The following GAS7 variants were observed in gnomAD, a reference collection of about 807,000 sequenced individuals.
The protein encoded by GAS7 is growth arrest specific 7.
GAS7 carries 28 observed loss-of-function variants against 71.1 expected under a neutral mutation model. The ratio of observed to expected loss-of-function variants is 0.39; its 90% CI spans 0.29 to 0.54. The LOEUF (loss-of-function observed/expected upper bound fraction) is 0.54. Ranked by LOEUF, GAS7 falls within the 20% of genes least tolerant of loss-of-function variation. The pLI, the probability that GAS7 is intolerant of heterozygous loss-of-function variation, is 0.62. For synonymous variants in GAS7, 258 were observed against 245.8 expected, an observed-to-expected ratio of 1.05 and a Z score of -0.46; for missense variants, 436 against 627.8, an observed-to-expected ratio of 0.69 and a Z score of 3.27.
chr17:10,013,384 A>G (rs1040891907), intron 2 of GAS7, among the ~76,000 whole-genome samples: 3 of 152,216 alleles, frequency 2.0e-5, no homozygotes, highest in Non-Finnish European at 4.4e-5. Flanking sequence ...GGGGTAGGCT[A>G]TTGATAATAG....
In GAS7 at chr17:10,077,775, T is replaced by C. The variant is rs184285259; in HGVS notation, c.184-57878A>G. On this transcript the variant is annotated intron_variant, in intron 1 of 13. Transcript: ENST00000432992. ...ATTAAGATCAGACCAATTTCCTTTTTCAGGAAGCTACTGCAGGGTGTGATC... is the reference window on the plus strand; with the variant it reads ...ATTAAGATCAGACCAATTTCCTTTTCCAGGAAGCTACTGCAGGGTGTGATC... 1.8e-3 allele frequency among the ~76,000 whole-genome samples: 279 copies of C among 152,278 alleles called. 1 individual carries two copies. The highest frequency in any genetic ancestry group is 6.4e-3 in the African/African-American group (267 of 41,536).
rs1025666126 is a variant in GAS7, at chr17:9,914,515, C to T, written c.*2713G>A. On this transcript the variant is annotated 3_prime_UTR_variant, in exon 14 of 14. Transcript: ENST00000432992. ...AGCTGGGATTACAGGCGTGAGCCAC[C>T]GTGCCCGACCCTTATTTGTAAAGAG... 7 of 185,320 alleles carry T rather than the reference C, an allele frequency of 3.8e-5. No individual in the cohort carries two copies. In the East Asian group the frequency reaches 5.2e-4, roughly 14 times the overall value. 11.5% of individuals were successfully genotyped at this position (185,320 alleles called of 1,614,324 possible).
chr17:10,021,987 A>G (rs1212535315), intron 1 of GAS7, among the ~76,000 whole-genome samples: 1 of 152,094 alleles, frequency 6.6e-6, no homozygotes, highest in Non-Finnish European at 1.5e-5. Context: ...GCCAGGTGCA[A>G]TGTCTCACGC....
At chr17:10,160,139 C>T (rs557433335) in intron 1 of GAS7, among the ~76,000 whole-genome samples, 5 of 152,260 alleles carry the variant, frequency 3.3e-5, no homozygotes, top group Non-Finnish European at 5.9e-5. Flanking sequence ...CTCCTGAGCT[C>T]AAGCGATCCA....
At chr17:10,031,916 T>C (rs1289548094) in intron 1 of GAS7, among the ~76,000 whole-genome samples, 1 of 152,176 alleles carries the variant, frequency 6.6e-6, no homozygotes, top group Non-Finnish European at 1.5e-5. Flanking sequence ...GTCACTCTTT[T>C]GGCCTCTGAT....
At chr17:10,119,227 G>A (rs2073886672) in intron 1 of GAS7, among the ~76,000 whole-genome samples, 1 of 152,226 alleles carries the variant, frequency 6.6e-6, no homozygotes. Context: ...AAGGGAATCA[G>A]GAGTTCAGGG....
At chr17:10,012,488 A>G (rs2071814340) in intron 2 of GAS7, among the ~76,000 whole-genome samples, 1 of 151,440 alleles carries the variant, frequency 6.6e-6, no homozygotes, top group South Asian at 2.1e-4. Context: ...GGGTTTCACC[A>G]TGGTCCCCAG....
At position 9,974,283 on chromosome 17, in the gene GAS7, G is replaced by A. The variant is rs974344129; in HGVS notation, c.386-4521C>T. On this transcript the variant is annotated intron_variant, in intron 3 of 13. Transcript: ENST00000432992. This position sits in a 1 kb window ranked among gnomAD's most constrained non-coding sequence, Gnocchi z 4.0. ...AGTCTCCCGGGCACATTCAGAATAC[G>A]TCTCAGTGGAGATCTAGACAGTTAT... 2.6e-5 allele frequency among the ~76,000 whole-genome samples: 4 copies of A among 152,242 alleles called. No homozygotes were observed. Among genetic ancestry groups the A allele is most frequent in the Admixed American group, 1.3e-4 (2 of 15,294 alleles).
chr17:10,001,818 A>G (rs1200626026), intron 2 of GAS7, among the ~76,000 whole-genome samples: 1 of 152,146 alleles, frequency 6.6e-6, no homozygotes, highest in Non-Finnish European at 1.5e-5. Flanking sequence ...AAAAACAAAA[A>G]CACATAATTT....
rs768535366 is a variant in GAS7 at position 9,940,206 on chromosome 17, AAG to A, written c.732-8_732-7del. On this transcript the variant is annotated splice_polypyrimidine_tract_variant and splice_region_variant and intron_variant, in intron 7 of 13. Transcript: ENST00000432992. ...AGTCTTCTTCAATCTTTATCCTGCAAAGAGAGAAAACCCAACACACATCAGCT... is the reference window on the plus strand; with the variant it reads ...AGTCTTCTTCAATCTTTATCCTGCAAAGAGAAAACCCAACACACATCAGCT... The A allele has an allele frequency of 6.2e-7, 1 of 1,610,950 alleles. No individual in the cohort carries two copies. Among genetic ancestry groups the A allele is most frequent in the Non-Finnish European group, 8.5e-7 (1 of 1,177,146 alleles).
At chr17:9,946,643 G>A (rs1038258703) in intron 6 of GAS7, among the ~76,000 whole-genome samples, 8 of 152,154 alleles carry the variant, frequency 5.3e-5, no homozygotes, top group Non-Finnish European at 1.0e-4. Context: ...ATGGCCCCCC[G>A]CTTACCTACA....
At chr17:10,108,944 G>C (rs1217873019) in intron 1 of GAS7, among the ~76,000 whole-genome samples, 1 of 151,974 alleles carries the variant, frequency 6.6e-6, no homozygotes, top group Non-Finnish European at 1.5e-5. Flanking sequence ...CAAAAGCACA[G>C]ACAACAAAAC....
Position 10,034,129 on chromosome 17 carries a change from T to C in GAS7, c.184-14232A>G, listed in dbSNP as rs1396536263. The stretch of plus-strand genomic sequence containing the variant: ...GACCTACCACTGCTCTGTGCCACCG[T>C]GCGAAGAACACAGGATGGGAATCGG... On this transcript the variant is annotated intron_variant, in intron 1 of 13. Coordinates refer to ENST00000432992, the MANE Select transcript of GAS7 (RefSeq NM_201433.2). The surrounding 1 kb of genome is among the most constrained non-coding windows in gnomAD (Gnocchi z 4.4). The C allele has an allele frequency of 2.0e-6, 2 of 985,226 alleles. No individual in the cohort carries two copies. The highest frequency in any genetic ancestry group is 2.4e-6 in the Non-Finnish European group (2 of 829,782). 61.0% of individuals were successfully genotyped at this position (985,226 alleles called of 1,614,324 possible).
In GAS7 at chr17:9,919,691, G is replaced by A. The variant is rs774783663; in HGVS notation, c.1153C>T (p.Arg385Cys). The A allele has an allele frequency of 8.7e-6, 14 of 1,612,842 alleles. No homozygotes were observed. The highest frequency in any genetic ancestry group is 2.2e-5 in the East Asian group (1 of 44,876). ...GCCTGGTTGTAGAGATCCACACAGC[G>A]CATGAGGTCGTCTCCTGGAAAAAGA... ...KSTQAGDDLM[R>C]CVDLYNQAQS... is the part of the protein sequence containing the mutation. The change falls in exon 12 of 14, where the codon CGC (arginine) becomes TGC (cysteine). Residue 385 changes from arginine to cysteine, a missense_variant. By Grantham distance (180) the Arg-to-Cys change is radical. Transcript: ENST00000432992. The surrounding 1 kb of genome is among the most constrained non-coding windows in gnomAD (Gnocchi z 5.0).
At chr17:9,936,719 A>G (rs2038565986) in intron 8 of GAS7, among the ~76,000 whole-genome samples, 1 of 152,224 alleles carries the variant, frequency 6.6e-6, no homozygotes, top group Admixed American at 6.5e-5. Context: ...GAAAAACAAA[A>G]CAAAACCTGA....
intron 1 of GAS7, among the ~76,000 whole-genome samples, chr17:10,090,662 G>A (rs1597785918): frequency 6.6e-6 from 1 of 152,174 alleles, no homozygotes; most frequent in African/African-American, 2.4e-5. Flanking sequence ...AAAAACACCT[G>A]CTTTCCCTCA....
intron 1 of GAS7, among the ~76,000 whole-genome samples, chr17:10,177,117 T>A (rs141708458): frequency 2.0e-3 from 307 of 152,158 alleles, no homozygotes; most frequent in Non-Finnish European, 3.5e-3. Flanking sequence ...GTTGGTGCCA[T>A]CCCAGCAGGA....
At position 9,914,966 on chromosome 17, in the gene GAS7, C is replaced by T. The variant is rs1040183737; in HGVS notation, c.*2262G>A. The stretch of plus-strand genomic sequence containing the variant: ...CTGAAAACGAGCGATCACGGGCTTC[C>T]CTGACGACAGGGCCATTATAGTGTC... On this transcript the variant is annotated 3_prime_UTR_variant, in exon 14 of 14. Coordinates refer to ENST00000432992, the MANE Select transcript of GAS7 (RefSeq NM_201433.2). 2 of 232,426 alleles carry T rather than the reference C, an allele frequency of 8.6e-6. No individual in the cohort carries two copies. The highest frequency in any genetic ancestry group is 4.4e-5 in the African/African-American group (2 of 45,278). The allele number at this position is 232,426 out of a possible 1,614,324, so 14.4% of individuals were successfully genotyped here. A position where few individuals can be genotyped will look rare whatever the true frequency, so the allele number is the denominator to read the frequency against.
intron 4 of GAS7, among the ~76,000 whole-genome samples, chr17:9,964,728 T>C (rs971996943): frequency 3.0e-4 from 46 of 152,168 alleles, no homozygotes; most frequent in African/African-American, 1.1e-3. Context: ...CTGCTGAAAT[T>C]GCACCATTAT....
Sources: gnomAD v4.1 joint callset for allele counts (sites outside exome capture counted in the v4.1 genomes callset) on GRCh38, gnomAD v4.1.1 for gene constraint, Gnocchi (gnomAD v3.1) non-coding constraint, MANE v1.5 for transcripts, NCBI Gene and HGNC (gene_info 2026-07-23, HGNC 2026-07-21) for gene names.